OSBPL9: variants seen among roughly 807,000 people sequenced by gnomAD.
The protein encoded by OSBPL9 is oxysterol binding protein like 9.
OSBPL9 carries 40 observed loss-of-function variants against 106.6 expected under a neutral mutation model. That is an observed-to-expected ratio of 0.38 (90% confidence interval 0.29 to 0.49). The LOEUF (loss-of-function observed/expected upper bound fraction) is 0.49. Ranked by LOEUF, OSBPL9 falls within the 20% of genes least tolerant of loss-of-function variation. The probability of loss-of-function intolerance (pLI) is 0.97; values close to 1 mark genes in which losing one functional copy is unlikely to be tolerated. For missense variants in OSBPL9, 609 were observed against 887.2 expected, an observed-to-expected ratio of 0.69 and a Z score of 3.98; for synonymous variants, 269 against 295.4, an observed-to-expected ratio of 0.91 and a Z score of 0.92.
chr1:51,571,177 A>G, the OSBPL9 span, among the ~76,000 whole-genome samples: 1 of 152,246 alleles, frequency 6.6e-6, no homozygotes, highest in African/African-American at 2.4e-5. Context: ...TAGCTTCTGA[A>G]GAACAGGTGC....
At chr1:51,714,918 C>T (rs994140231) in intron 4 of OSBPL9, among the ~76,000 whole-genome samples, 8 of 152,162 alleles carry the variant, frequency 5.3e-5, no homozygotes, top group South Asian at 2.1e-4. Context: ...CAACCCGACC[C>T]GCACCAAAGT....
At chr1:51,713,160 T>A (rs1386451482) in intron 3 of OSBPL9, among the ~76,000 whole-genome samples, 1 of 152,086 alleles carries the variant, frequency 6.6e-6, no homozygotes. Flanking sequence ...ATTTTATTTA[T>A]TTATTTTGAG....
At chr1:51,721,557 T>C (rs1372230532) in intron 4 of OSBPL9, among the ~76,000 whole-genome samples, 3 of 152,232 alleles carry the variant, frequency 2.0e-5, no homozygotes, top group African/African-American at 7.2e-5. Flanking sequence ...ATGCCTTGAT[T>C]CTACCCTCAA....
rs184268363 is a variant in OSBPL9, at chr1:51,759,757, A to T, written c.583-933A>T. On this transcript the variant is annotated intron_variant, in intron 9 of 23. Transcript: ENST00000428468. ...TGCTGTCAGAATAATTTCTTGACTT[A>T]GAATCAGAGAATCCTAGACTTTTCT... The T allele has an allele frequency of 9.8e-5, 15 of 152,298 alleles. No homozygotes were observed. The East Asian group carries it at 1.9e-3, about 20-fold the overall frequency. The allele number at this position is 152,298 out of a possible 1,614,324, so 9.4% of individuals were successfully genotyped here. A position where few individuals can be genotyped will look rare whatever the true frequency, so the allele number is the denominator to read the frequency against.
chr1:51,689,460 T>C (rs1654523256), intron 3 of OSBPL9, among the ~76,000 whole-genome samples: 1 of 152,170 alleles, frequency 6.6e-6, no homozygotes, highest in Admixed American at 6.5e-5. Flanking sequence ...AATGGGCAGG[T>C]ATTTTTGAAG....
chr1:51,621,647 T>C (rs1644446654), intron 1 of OSBPL9, among the ~76,000 whole-genome samples: 1 of 152,222 alleles, frequency 6.6e-6, no homozygotes, highest in African/African-American at 2.4e-5. Context: ...CAAACATTTC[T>C]TCCTTACCAG....
intron 4 of OSBPL9, among the ~76,000 whole-genome samples, chr1:51,726,189 C>T (rs1244492258): frequency 2.0e-5 from 3 of 152,158 alleles, no homozygotes; most frequent in African/African-American, 7.2e-5. Flanking sequence ...TGAGTTTTTG[C>T]TCAGGGAAGT....
At chr1:51,537,410 A>T in the OSBPL9 span, among the ~76,000 whole-genome samples, 1 of 152,074 alleles carries the variant, frequency 6.6e-6, no homozygotes, top group African/African-American at 2.4e-5. Flanking sequence ...TTCTCCAAAG[A>T]GCTACTCTTT....
At chr1:51,713,067 C>G (rs1660384039) in intron 3 of OSBPL9, among the ~76,000 whole-genome samples, 1 of 152,110 alleles carries the variant, frequency 6.6e-6, no homozygotes, top group Non-Finnish European at 1.5e-5. Flanking sequence ...ACCAGAGCTC[C>G]CATTGTTGGT....
intron 1 of OSBPL9, among the ~76,000 whole-genome samples, chr1:51,589,720 T>C (rs370486354): frequency 3.5e-4 from 53 of 151,630 alleles, no homozygotes; most frequent in African/African-American, 1.3e-3. Context: ...TGGAACATAA[T>C]GAACAAGCAG....
the OSBPL9 span, among the ~76,000 whole-genome samples, chr1:51,533,845 CTTTT>C: frequency 8.6e-6 from 1 of 116,294 alleles, no homozygotes; most frequent in South Asian, 2.8e-4. Flanking sequence ...TTTTTTCTTT[CTTTT>C]TTTTTTTTTT....
At chr1:51,744,425 A>G (rs1667556732) in intron 4 of OSBPL9, among the ~76,000 whole-genome samples, 2 of 152,314 alleles carry the variant, frequency 1.3e-5, no homozygotes, top group South Asian at 4.1e-4. Context: ...ATAATACCAT[A>G]CCATCTTAAT....
chr1:51,752,179 C>CCT (rs1259557084), intron 8 of OSBPL9, among the ~76,000 whole-genome samples: 2 of 152,082 alleles, frequency 1.3e-5, no homozygotes, highest in Non-Finnish European at 2.9e-5. Flanking sequence ...CTTGCTTGGT[C>CCT]ACACCATTCC....
rs1644428015 is a variant in OSBPL9, at chr1:51,621,438, G to A, written c.111+4217G>A. ...AGGAGAATCACTTGAACCAGGAAGT[G>A]GAGTTTGCAGTGAGCCGAGATGGTC... On this transcript the variant is annotated intron_variant, in intron 1 of 23. Transcript: ENST00000428468. Among the ~76,000 whole-genome samples the A allele has an allele frequency of 4.0e-5, 6 of 151,804 alleles. No homozygotes were observed. The South Asian group carries it at 1.2e-3, about 32-fold the overall frequency.
rs746751644 is a variant in OSBPL9 at position 51,782,652 on chromosome 1, C to T, written c.1513+9C>T. 3 of 1,612,834 alleles carry T rather than the reference C, an allele frequency of 1.9e-6. No homozygotes were observed. Among genetic ancestry groups the T allele is most frequent in the Admixed American group, 1.7e-5 (1 of 59,990 alleles). Reference sequence around the variant, plus strand: ...TTCCCATCATCCACCCAGTAAGTTACAGAGCTCCTCTGCAACCTGTGCTCT... The same window carrying T: ...TTCCCATCATCCACCCAGTAAGTTATAGAGCTCCTCTGCAACCTGTGCTCT... On this transcript the variant is annotated intron_variant, in intron 17 of 23. Transcript: ENST00000428468.
At chr1:51,616,003 G>GTTTTTTTTTTTTTTTTTTT (rs764823727), upstream of OSBPL9, among the ~76,000 whole-genome samples, 1 of 104,496 alleles carries the variant, frequency 9.6e-6, no homozygotes. Flanking sequence ...AAATCCTTTG[G>GTTTTTTTTTTTTTTTTTTT]TTTTTTTTTT....
the OSBPL9 span, among the ~76,000 whole-genome samples, chr1:51,549,366 A>G: frequency 6.6e-6 from 1 of 152,158 alleles, no homozygotes; most frequent in Non-Finnish European, 1.5e-5. Flanking sequence ...CAAACCACCA[A>G]AACTACCAGG....
At chr1:51,735,990 A>AT (rs1435488183) in intron 4 of OSBPL9, among the ~76,000 whole-genome samples, 1 of 152,200 alleles carries the variant, frequency 6.6e-6, no homozygotes, top group Non-Finnish European at 1.5e-5. Context: ...GTTATTTATG[A>AT]TTTTTCCACG....
At chr1:51,781,137 A>G (rs1368692772) in intron 15 of OSBPL9, 27 bp from the exon 16 acceptor site, 2 of 1,608,564 alleles carry the variant, frequency 1.2e-6, no homozygotes, top group Non-Finnish European at 8.5e-7. Flanking sequence ...AAAGCAGGAC[A>G]TTAAATTTTG....
Sources: allele counts gnomAD v4.1 joint callset (sites outside exome capture counted in the v4.1 genomes callset), GRCh38; gene constraint gnomAD v4.1.1; transcripts MANE v1.5; gene names NCBI Gene and HGNC (gene_info 2026-07-23, HGNC 2026-07-21).